Variants in ARAP2 observed in about 807,000 individuals in gnomAD.
The protein encoded by ARAP2 is arf-GAP with Rho-GAP domain, ANK repeat and PH domain-containing protein 2.
In ARAP2, 148 loss-of-function variants were observed where a neutral mutation model predicts 194.5. That is an observed-to-expected ratio of 0.76 (90% CI 0.67 to 0.87). The LOEUF (loss-of-function observed/expected upper bound fraction) is 0.87, where lower values mean the gene tolerates loss of function less well. ARAP2 is among the 40% of genes least tolerant of loss of function. The pLI is 0.00. For synonymous variants in ARAP2, 695 were observed against 683.5 expected (o/e 1.02, Z -0.26); for missense variants, 2,128 against 1,989.7 (o/e 1.07, Z -1.32).
chr4:36,159,125 A>G (rs924693560), intron 14 of ARAP2, among the ~76,000 whole-genome samples: 1 of 152,246 alleles, frequency 6.6e-6, no homozygotes. Context: ...TTACATTTAT[A>G]AGATTACGGG....
chr4:36,210,567 G>C lies in ARAP2; in HGVS notation c.1310C>G (p.Thr437Ser). The change falls in exon 6 of 33, where the codon ACT becomes AGT. Residue 437 changes from threonine (T) to serine (S), a missense_variant. Coordinates refer to ENST00000303965, the MANE Select transcript of ARAP2 (RefSeq NM_015230.4). Reference sequence around the variant, plus strand: ...GGAGTCCAAAATCAAGGCTTTTTGAGTCCTAGATTTAGATGCCTTTGAATT... The same window carrying C: ...GGAGTCCAAAATCAAGGCTTTTTGACTCCTAGATTTAGATGCCTTTGAATT... ...RKNSKASKSR[T>S]QKALILDSVN... 1 of 1,613,870 alleles carries C rather than the reference G, an allele frequency of 6.2e-7. No individual in the cohort carries two copies. The highest frequency in any genetic ancestry group is 8.5e-7 in the Non-Finnish European group (1 of 1,179,866).
intron 27 of ARAP2, among the ~76,000 whole-genome samples, chr4:36,093,383 C>A (rs981358780): frequency 6.6e-6 from 1 of 151,796 alleles, no homozygotes; most frequent in African/African-American, 2.4e-5. Flanking sequence ...AAAGAAATAA[C>A]AGGAGAAAAC....
At chr4:36,231,327 T>C (rs1193278797) in intron 1 of ARAP2, among the ~76,000 whole-genome samples, 1 of 149,922 alleles carries the variant, frequency 6.7e-6, no homozygotes, top group Non-Finnish European at 1.5e-5. Flanking sequence ...AGAGCGAGAC[T>C]TCATCTCAAA....
At chr4:36,183,697 G>C (rs1257926937) in intron 8 of ARAP2, among the ~76,000 whole-genome samples, 2 of 152,178 alleles carry the variant, frequency 1.3e-5, no homozygotes, top group East Asian at 1.9e-4. Flanking sequence ...CGTACTTTGG[G>C]AAGTGTATTT....
chr4:36,111,391 T>C (rs1315576696), intron 26 of ARAP2, among the ~76,000 whole-genome samples: 1 of 152,096 alleles, frequency 6.6e-6, no homozygotes, highest in South Asian at 2.1e-4. Flanking sequence ...GGCCCTTCTG[T>C]TGCTCTCCTA....
chr4:36,225,492 G>A (rs748427790), intron 2 of ARAP2, among the ~76,000 whole-genome samples: 1 of 152,020 alleles, frequency 6.6e-6, no homozygotes, highest in Non-Finnish European at 1.5e-5. Context: ...AGGTGATAAG[G>A]AAGGAGCTGG....
At chr4:36,175,836 T>A (rs1401226461) in intron 9 of ARAP2, among the ~76,000 whole-genome samples, 9 of 152,180 alleles carry the variant, frequency 5.9e-5, no homozygotes, top group Admixed American at 5.9e-4. Flanking sequence ...TGCCCTTTTT[T>A]TGCACCTCTC....
At chr4:36,023,282 C>G (rs147439166) in intron 5 of ARAP2, among the ~76,000 whole-genome samples, 1 of 152,046 alleles carries the variant, frequency 6.6e-6, no homozygotes, top group African/African-American at 2.4e-5. Flanking sequence ...ATGGAATGGA[C>G]GAGATGAATC....
Position 36,151,051 on chromosome 4 carries a change from A to G in ARAP2, c.2753-7T>C. The G allele has an allele frequency of 4.4e-6, 7 of 1,581,088 alleles. No individual in the cohort carries two copies. Among genetic ancestry groups the G allele is most frequent in the Non-Finnish European group, 4.3e-6 (5 of 1,169,116 alleles). On this transcript the variant is annotated splice_region_variant and splice_polypyrimidine_tract_variant and intron_variant, in intron 15 of 32. Coordinates refer to ENST00000303965, the MANE Select transcript of ARAP2 (RefSeq NM_015230.4). ...CACCATTTTTTATTTGTCTCTAAGA[A>G]TTTGAAACAAAACAAATAACAAATT...
intron 1 of ARAP2, among the ~76,000 whole-genome samples, chr4:36,242,357 A>G (rs961733250): frequency 1.2e-4 from 19 of 152,354 alleles, no homozygotes; most frequent in African/African-American, 4.6e-4. Flanking sequence ...ATGCTAAAAG[A>G]AAACTATTAA....
At chr4:36,235,899 G>A (rs995666546) in intron 1 of ARAP2, among the ~76,000 whole-genome samples, 4 of 152,158 alleles carry the variant, frequency 2.6e-5, no homozygotes, top group African/African-American at 4.8e-5. Flanking sequence ...GGGCCAGGCC[G>A]GGTGAGGTGG....
chr4:36,180,944 T>A (rs140805892), intron 8 of ARAP2, among the ~76,000 whole-genome samples: 1 of 152,188 alleles, frequency 6.6e-6, no homozygotes, highest in Non-Finnish European at 1.5e-5. Flanking sequence ...TAAAATAGAT[T>A]ACAAGTGTCA....
chr4:36,162,000 C>T lies in ARAP2; in HGVS notation c.2174-450G>A, dbSNP rs112895159. 4.0e-5 allele frequency among the ~76,000 whole-genome samples: 6 copies of T among 151,340 alleles called. No homozygotes were observed. The East Asian group carries it at 7.8e-4, about 20-fold the overall frequency. ...GCAGGCACCTGTAGTCCCAGCTACT[C>T]GGGAGGCTGAGGCAGGAGAATGGCG... On this transcript the variant is annotated intron_variant, in intron 11 of 32. Coordinates refer to ENST00000303965, the MANE Select transcript of ARAP2 (RefSeq NM_015230.4).
At chr4:36,057,070 C>A (rs1415697465) in intron 2 of ARAP2, among the ~76,000 whole-genome samples, 1 of 149,310 alleles carries the variant, frequency 6.7e-6, no homozygotes, top group African/African-American at 2.5e-5. Flanking sequence ...TTTTTCAGTG[C>A]AGCTTGACTG....
intron 8 of ARAP2, among the ~76,000 whole-genome samples, chr4:36,186,182 A>C (rs932994409): frequency 3.3e-5 from 5 of 152,188 alleles, no homozygotes; most frequent in Non-Finnish European, 1.5e-5. Flanking sequence ...TTGTCCATAA[A>C]ATAAGTTAAA....
chr4:36,063,057 CAT>C (rs1724719444), downstream of ARAP2, among the ~76,000 whole-genome samples: 3 of 152,128 alleles, frequency 2.0e-5, no homozygotes, highest in African/African-American at 7.2e-5. Context: ...TAACTAACTC[CAT>C]TTTTTGTTAA....
rs73123472 is a variant in ARAP2, at chr4:36,082,029, G to A, written c.4544+222C>T. ...ATAATAACTATGGAAGAAATCAGGC[G>A]TAGTTTCACTTCAGAGGCATTGCCA... On this transcript the variant is annotated intron_variant, in intron 30 of 32. Transcript: ENST00000303965. Among the ~76,000 whole-genome samples, 201 of 152,192 alleles carry A rather than the reference G, an allele frequency of 1.3e-3. 1 individual carries two copies. Among genetic ancestry groups the A allele is most frequent in the East Asian group, 6.2e-3 (32 of 5,176 alleles).
Position 36,009,662 on chromosome 4 carries a change from A to G in ARAP2, n.1326-2616T>C, listed in dbSNP as rs1403844452. ...GATTATAAAATAAAAGTTGACAAAA[A>G]GGAAGTTACAGAGTCCATTAAGTCT... On this transcript the variant is annotated intron_variant and non_coding_transcript_variant, in intron 9 of 12. Transcript: ENST00000503225. Among the ~76,000 whole-genome samples, 4 of 152,134 alleles carry G rather than the reference A, an allele frequency of 2.6e-5. No individual in the cohort carries two copies. The South Asian group carries it at 6.2e-4, about 24-fold the overall frequency.
intron 6 of ARAP2, among the ~76,000 whole-genome samples, chr4:36,016,150 A>G (rs535754074): frequency 6.6e-6 from 1 of 152,356 alleles, no homozygotes; most frequent in Non-Finnish European, 1.5e-5. Flanking sequence ...GTCCATAAGT[A>G]TTAATTTTGG....
Sources: allele counts gnomAD v4.1 joint callset (sites outside exome capture counted in the v4.1 genomes callset), GRCh38; gene constraint gnomAD v4.1.1; transcripts MANE v1.5; gene names NCBI Gene and HGNC (gene_info 2026-07-23, HGNC 2026-07-21).